Variants in PFKL observed in about 807,000 individuals in gnomAD.
PFKL encodes ATP-dependent 6-phosphofructokinase, liver type.
A neutral mutation model predicts 92.1 loss-of-function variants in PFKL; 74 were observed. The ratio of observed to expected loss-of-function variants is 0.80; its 90% CI spans 0.67 to 0.97. The LOEUF (loss-of-function observed/expected upper bound fraction) is 0.97. Among genes scored for constraint, PFKL ranks in the 50% least tolerant of loss-of-function variants. The pLI is 0.00. For missense variants in PFKL, 1,028 were observed against 1,116.6 expected (o/e 0.92, Z 1.13); for synonymous variants, 494 against 456.4 (o/e 1.08, Z -1.05).
At chr21:44,316,192 CG>C in intron 7 of PFKL, 51 bp from the exon 8 acceptor site, 2 of 1,562,600 alleles carry the variant, frequency 1.3e-6, no homozygotes, top group South Asian at 2.2e-5. Context: ...GGGCTGTGTC[CG>C]GGGCAGGTTT....
intron 6 of PFKL, 63 bp from the exon 7 acceptor site, chr21:44,313,850 A>G (rs2047124719): frequency 7.1e-7 from 1 of 1,401,024 alleles, no homozygotes; most frequent in Non-Finnish European, 9.8e-7. Flanking sequence ...ACCTCTGGGT[A>G]CAGGGAAGCT....
chr21:44,308,558 A>ATTTT (rs368772998), intron 2 of PFKL, among the ~76,000 whole-genome samples: 3 of 137,602 alleles, frequency 2.2e-5, no homozygotes, highest in Admixed American at 7.4e-5. Flanking sequence ...GGGGGGTAGG[A>ATTTT]ATTTTTTTTT....
chr21:44,325,303 C>CT lies in PFKL; in HGVS notation c.1989+42dup, dbSNP rs751618949. The CT allele has an allele frequency of 2.4e-5, 32 of 1,342,790 alleles. No individual in the cohort carries two copies. In the East Asian group the frequency reaches 7.1e-4, roughly 30 times the overall value. The allele number at this position is 1,342,790 out of a possible 1,614,324, so 83.2% of individuals were successfully genotyped here. A position where few individuals can be genotyped will look rare whatever the true frequency, so the allele number is the denominator to read the frequency against. On this transcript the variant is annotated intron_variant, in intron 19 of 21. Coordinates refer to ENST00000349048, the MANE Select transcript of PFKL (RefSeq NM_002626.6). ...GTGAGGCTCTGAGAGGCCTGCCCCT[C>CT]TTTCCTGCCACCATCTGTCCCCGGC...
At chr21:44,301,439 G>A (rs1032060501) in intron 1 of PFKL, among the ~76,000 whole-genome samples, 2 of 134,584 alleles carry the variant, frequency 1.5e-5, no homozygotes, top group South Asian at 4.5e-4. Flanking sequence ...CCAGGGGTCC[G>A]TGTTGTCGAG....
chr21:44,325,771 T>C (rs1037071189), intron 19 of PFKL, 190 bp from the exon 20 acceptor site: 5 of 584,184 alleles, frequency 8.6e-6, no homozygotes, highest in East Asian at 2.8e-5. Context: ...GCTTCTGGCC[T>C]GGACTTGGAG....
chr21:44,326,935 G>T lies in PFKL; in HGVS notation c.*73G>T. 7.1e-7 allele frequency: 1 copy of T among 1,412,662 alleles called. No homozygotes were observed. The highest frequency in any genetic ancestry group is 9.8e-7 in the Non-Finnish European group (1 of 1,023,598). 87.5% of individuals were successfully genotyped at this position (1,412,662 alleles called of 1,614,324 possible). On this transcript the variant is annotated 3_prime_UTR_variant, in exon 22 of 22. Transcript: ENST00000349048. ...AGCGCCAGGGCTCAGATGGGGCCTG[G>T]GCTGTTGTGTCTGGAGCCTGCAGGC... is the stretch of plus-strand genomic sequence containing the variant.
In PFKL at chr21:44,326,916, A is replaced by AGGGCTCAGATGGGGCCT; in HGVS notation, c.*60_*76dup. ...CCCCCACCCATGCCAGCGCAGCGCC[A>AGGGCTCAGATGGGGCCT]GGGCTCAGATGGGGCCTGGGCTGTT... On this transcript the variant is annotated 3_prime_UTR_variant, in exon 22 of 22. Transcript: ENST00000349048. 1 of 1,518,542 alleles carries AGGGCTCAGATGGGGCCT rather than the reference A, an allele frequency of 6.6e-7. No individual in the cohort carries two copies. 94.1% of individuals were successfully genotyped at this position (1,518,542 alleles called of 1,614,324 possible).
chr21:44,324,018 T>C (rs1052971153), intron 16 of PFKL, 100 bp downstream of exon 16: 193 of 1,383,714 alleles, frequency 1.4e-4, no homozygotes, highest in Non-Finnish European at 1.8e-4. Flanking sequence ...GGTGAGCACC[T>C]GGGAGGGCTG....
At chr21:44,305,358 T>C (rs1249434106) in intron 1 of PFKL, 2 of 1,365,874 alleles carry the variant, frequency 1.5e-6, no homozygotes, top group Non-Finnish European at 2.0e-6. Flanking sequence ...TCGAGAGTCC[T>C]CTCGTGGGGG....
chr21:44,301,235 T>C (rs2040766259), intron 1 of PFKL, among the ~76,000 whole-genome samples: 1 of 152,312 alleles, frequency 6.6e-6, no homozygotes, highest in Admixed American at 6.5e-5. Flanking sequence ...TGTCACTGTC[T>C]GAACCCCGGC....
In PFKL at chr21:44,326,187, G is replaced by T. The variant is rs569873029; in HGVS notation, c.2118G>T (p.Ser706=). Residue 706 remains serine (S), a synonymous_variant, in exon 21 of 22, where the codon TCG becomes TCT. Coordinates refer to ENST00000349048, the MANE Select transcript of PFKL (RefSeq NM_002626.6). ...GGGTGTTCGCCAATGCCCCAGACTCGGCCTGCGTGATCGGCCTGAAGAAGA... is the reference window on the plus strand; with the variant it reads ...GGGTGTTCGCCAATGCCCCAGACTCTGCCTGCGTGATCGGCCTGAAGAAGA... ...KGRVFANAPD[S]ACVIGLKKKA... 6.2e-7 allele frequency: 1 copy of T among 1,612,890 alleles called. No homozygotes were observed. Among genetic ancestry groups the T allele is most frequent in the East Asian group, 2.2e-5 (1 of 44,878 alleles).
chr21:44,324,937 C>T lies in PFKL; in HGVS notation c.1877+20C>T. 6.3e-7 allele frequency: 1 copy of T among 1,587,446 alleles called. No individual in the cohort carries two copies. The highest frequency in any genetic ancestry group is 8.6e-7 in the Non-Finnish European group (1 of 1,165,230). ...GCTGCGGTGAGGCTGCCGTGGGTCCCTGGCCACAGCTGCGCGTCCAACTCT... is the reference window on the plus strand; with the variant it reads ...GCTGCGGTGAGGCTGCCGTGGGTCCTTGGCCACAGCTGCGCGTCCAACTCT... On this transcript the variant is annotated intron_variant, in intron 18 of 21. Transcript: ENST00000349048.
At chr21:44,310,675 A>G (rs1757381556) in intron 2 of PFKL, among the ~76,000 whole-genome samples, 1 of 152,136 alleles carries the variant, frequency 6.6e-6, no homozygotes, top group African/African-American at 2.4e-5. Context: ...CAGGAGCTGG[A>G]TGGCGGGCTC....
chr21:44,313,002 G>T lies in PFKL; in HGVS notation c.452G>T (p.Arg151Leu), dbSNP rs750482349. Reference sequence around the variant, plus strand: ...GGTAAGATCTCAGAGACTACAGCCCGGACCTACTCGCACCTGAACATCGCG... The same window carrying T: ...GGTAAGATCTCAGAGACTACAGCCCTGACCTACTCGCACCTGAACATCGCG... ...AEGKISETTA[R>L]TYSHLNIAGL... Residue 151 changes from arginine to leucine, a missense_variant, in exon 5 of 22, where the codon CGG (arginine) becomes CTG (leucine). Physicochemically the swap from Arg to Leu is moderately radical, Grantham distance 102 (BLOSUM62 -2). Transcript: ENST00000349048. 1 of 1,613,020 alleles carries T rather than the reference G, an allele frequency of 6.2e-7. No homozygotes were observed. Among genetic ancestry groups the T allele is most frequent in the Non-Finnish European group, 8.5e-7 (1 of 1,179,888 alleles).
At position 44,327,068 on chromosome 21, in the gene PFKL, CAGG is replaced by C. The variant is rs1411921245; in HGVS notation, c.*211_*213del. The C allele has an allele frequency of 3.4e-6, 2 of 594,426 alleles. No homozygotes were observed. The highest frequency in any genetic ancestry group is 1.9e-5 in the African/African-American group (1 of 53,722). The allele number at this position is 594,426 out of a possible 1,614,324, so 36.8% of individuals were successfully genotyped here. A position where few individuals can be genotyped will look rare whatever the true frequency, so the allele number is the denominator to read the frequency against. ...GAGACCAGCCTGCCAGGCCCTCCAGCAGGAGGACAGAGTGCCCTGGGGCATCCA... is the reference window on the plus strand; with the variant it reads ...GAGACCAGCCTGCCAGGCCCTCCAGCAGGACAGAGTGCCCTGGGGCATCCA... On this transcript the variant is annotated 3_prime_UTR_variant, in exon 22 of 22. Coordinates refer to ENST00000349048, the MANE Select transcript of PFKL (RefSeq NM_002626.6).
At chr21:44,307,088 C>T (rs921288515) in intron 2 of PFKL, among the ~76,000 whole-genome samples, 16 of 152,000 alleles carry the variant, frequency 1.1e-4, no homozygotes, top group African/African-American at 3.4e-4. Context: ...CACACCCCTG[C>T]CTGGTGTCCC....
At chr21:44,307,318 C>T (rs952348899) in intron 2 of PFKL, 1 of 985,286 alleles carries the variant, frequency 1.0e-6, no homozygotes, top group Non-Finnish European at 1.2e-6. Flanking sequence ...GGGGCTCGCC[C>T]TCCGTCCTGG....
At chr21:44,313,462 C>A (rs2047114290) in intron 5 of PFKL, among the ~76,000 whole-genome samples, 176 bp from the exon 6 acceptor site, 1 of 152,220 alleles carries the variant, frequency 6.6e-6, no homozygotes, top group South Asian at 2.1e-4. Context: ...TCAGTCGAAA[C>A]CAGCCCAAAG....
At chr21:44,303,526 T>C (rs2040840158) in intron 1 of PFKL, among the ~76,000 whole-genome samples, 1 of 151,500 alleles carries the variant, frequency 6.6e-6, no homozygotes, top group Admixed American at 6.6e-5. Context: ...GGGCCCTTTG[T>C]CTAGTGCCCC....
Sources: gnomAD v4.1 joint callset for allele counts (sites outside exome capture counted in the v4.1 genomes callset) on GRCh38, gnomAD v4.1.1 for gene constraint, MANE v1.5 for transcripts, NCBI Gene and HGNC (gene_info 2026-07-23, HGNC 2026-07-21) for gene names.